The following NRG1 variants were observed in gnomAD, a reference collection of about 807,000 sequenced individuals.
NRG1 encodes the protein pro-neuregulin-1, membrane-bound isoform.
A neutral mutation model predicts 63.8 loss-of-function variants in NRG1; 18 were observed. That is an observed-to-expected ratio of 0.28 (90% confidence interval 0.19 to 0.42). NRG1 has a LOEUF of 0.42. Among genes scored for constraint, NRG1 ranks in the 10% least tolerant of loss-of-function variants. The probability of loss-of-function intolerance (pLI) is 1.00; values close to 1 mark genes in which losing one functional copy is unlikely to be tolerated. For missense variants in NRG1, 762 were observed against 814.7 expected (o/e 0.94, Z 0.79); for synonymous variants, 302 against 301.3 (o/e 1.00, Z -0.02).
At chr8:32,305,410 CAG>C (rs1349169741) in intron 1 of NRG1, among the ~76,000 whole-genome samples, 3 of 142,332 alleles carry the variant, frequency 2.1e-5, no homozygotes, top group African/African-American at 7.4e-5. Context: ...TGTTGTTCAC[CAG>C]ACGAATTCTT....
intron 1 of NRG1, among the ~76,000 whole-genome samples, chr8:32,204,319 A>C (rs577261833): frequency 6.6e-6 from 1 of 152,342 alleles, no homozygotes; most frequent in East Asian, 1.9e-4. Context: ...TTTTTTAACA[A>C]GATGGCTCTT....
At chr8:32,008,310 C>T (rs76139423) in intron 1 of NRG1, among the ~76,000 whole-genome samples, 1 of 151,912 alleles carries the variant, frequency 6.6e-6, no homozygotes, top group African/African-American at 2.4e-5. Flanking sequence ...CACTGAGGCC[C>T]AGACACCAAG....
intron 1 of NRG1, among the ~76,000 whole-genome samples, chr8:32,405,117 G>GTAA (rs2129484924): frequency 6.6e-6 from 1 of 152,298 alleles, no homozygotes; most frequent in Admixed American, 6.5e-5. Flanking sequence ...GCCATATCCA[G>GTAA]GCTGTCCCTG....
At chr8:32,569,200 C>A (rs1371586839) in intron 1 of NRG1, among the ~76,000 whole-genome samples, 2 of 152,136 alleles carry the variant, frequency 1.3e-5, no homozygotes, top group Non-Finnish European at 2.9e-5. Context: ...CAGGCGCACA[C>A]CACCACACCT....
intron 6 of NRG1, among the ~76,000 whole-genome samples, chr8:32,738,511 A>G (rs1048609156): frequency 4.6e-5 from 7 of 152,176 alleles, no homozygotes; most frequent in African/African-American, 1.7e-4. Context: ...GTTCTCAGAC[A>G]TAAAATTCTT....
chr8:32,662,464 A>C (rs539536225), intron 5 of NRG1, among the ~76,000 whole-genome samples: 28 of 152,248 alleles, frequency 1.8e-4, no homozygotes, highest in South Asian at 6.2e-4. Context: ...CCACCGAAAG[A>C]GATGAGGAAT....
chr8:31,873,728 C>T (rs146821213), intron 1 of NRG1, among the ~76,000 whole-genome samples: 107 of 152,182 alleles, frequency 7.0e-4, no homozygotes, highest in African/African-American at 2.4e-3. Context: ...GGCAGCAAAG[C>T]AAGGAAATAG....
chr8:32,245,638 C>T (rs1848525235), intron 1 of NRG1, among the ~76,000 whole-genome samples: 1 of 152,136 alleles, frequency 6.6e-6, no homozygotes, highest in Non-Finnish European at 1.5e-5. Context: ...AGTCACCCCT[C>T]TTTTGATCAA....
At chr8:32,517,378 T>C (rs1829929714) in intron 1 of NRG1, among the ~76,000 whole-genome samples, 1 of 152,140 alleles carries the variant, frequency 6.6e-6, no homozygotes, top group Admixed American at 6.6e-5. Context: ...TTAAACACTC[T>C]TATAGTATTC....
intron 5 of NRG1, among the ~76,000 whole-genome samples, chr8:32,656,204 A>G (rs1801452772): frequency 6.6e-6 from 1 of 152,158 alleles, no homozygotes; most frequent in Non-Finnish European, 1.5e-5. Flanking sequence ...TTATTTGACA[A>G]TAAAATGAGC....
chr8:32,706,658 T>C (rs2128972771), intron 5 of NRG1, among the ~76,000 whole-genome samples: 1 of 152,284 alleles, frequency 6.6e-6, no homozygotes, highest in South Asian at 2.1e-4. Context: ...TTACCAACGT[T>C]AGCCTCTAAT....
At chr8:31,908,576 G>T (rs1832705584) in intron 1 of NRG1, among the ~76,000 whole-genome samples, 1 of 152,096 alleles carries the variant, frequency 6.6e-6, no homozygotes, top group South Asian at 2.1e-4. Flanking sequence ...TTATGTGAAA[G>T]GTTTTGGCAA....
At chr8:32,026,057 T>C (rs574297435) in intron 1 of NRG1, among the ~76,000 whole-genome samples, 4 of 144,592 alleles carry the variant, frequency 2.8e-5, no homozygotes, top group Admixed American at 7.3e-5. Context: ...GTTTAGAGCA[T>C]ATACAATCTT....
chr8:32,539,082 A>C (rs768149864), intron 1 of NRG1, among the ~76,000 whole-genome samples: 1 of 152,152 alleles, frequency 6.6e-6, no homozygotes, highest in Admixed American at 6.5e-5. Flanking sequence ...AAAATATAAG[A>C]GGCTAGAAAA....
chr8:32,236,261 G>A (rs1052162508), intron 1 of NRG1, among the ~76,000 whole-genome samples: 1 of 151,934 alleles, frequency 6.6e-6, no homozygotes, highest in Non-Finnish European at 1.5e-5. Context: ...AGACAATTTA[G>A]CCCTGGAATC....
At chr8:31,667,026 C>A (rs1404185852) in intron 1 of NRG1, among the ~76,000 whole-genome samples, 1 of 152,288 alleles carries the variant, frequency 6.6e-6, no homozygotes, top group South Asian at 2.1e-4. Flanking sequence ...AGCAAGGTCA[C>A]AGTGGAGAGC....
At chr8:32,403,034 C>A (rs1411743087) in intron 1 of NRG1, among the ~76,000 whole-genome samples, 1 of 151,078 alleles carries the variant, frequency 6.6e-6, no homozygotes, top group Non-Finnish European at 1.5e-5. Context: ...CACAGTGGCT[C>A]ACACCTGTAA....
At chr8:32,323,588 A>G (rs1413472555) in intron 1 of NRG1, among the ~76,000 whole-genome samples, 1 of 152,234 alleles carries the variant, frequency 6.6e-6, no homozygotes, top group Non-Finnish European at 1.5e-5. Context: ...GCTCTAAATG[A>G]TAAAACGTTG....
At chr8:32,031,931 T>C (rs561498428) in intron 1 of NRG1, among the ~76,000 whole-genome samples, 42 of 152,314 alleles carry the variant, frequency 2.8e-4, no homozygotes, top group African/African-American at 1.0e-3. Flanking sequence ...TACACGTGCA[T>C]GTATCTTTGT....
Sources: allele counts gnomAD v4.1 joint callset (sites outside exome capture counted in the v4.1 genomes callset), GRCh38; gene constraint gnomAD v4.1.1; transcripts MANE v1.5; gene names NCBI Gene and HGNC (gene_info 2026-07-23, HGNC 2026-07-21).